RNF121: variants seen among roughly 807,000 people sequenced by gnomAD.
The protein encoded by RNF121 is ring finger protein 121.
RNF121 carries 21 observed loss-of-function variants against 46.5 expected under a neutral mutation model. The observed-to-expected ratio is 0.45, with a 90% confidence interval of 0.32 to 0.65. The LOEUF (loss-of-function observed/expected upper bound fraction) is 0.65, where lower values mean the gene tolerates loss of function less well. Among genes scored for constraint, RNF121 ranks in the 30% least tolerant of loss-of-function variants. RNF121 has a pLI of 0.04. For missense variants in RNF121, 346 were observed against 416.0 expected, an observed-to-expected ratio of 0.83 and a Z score of 1.46; for synonymous variants, 139 against 144.7, an observed-to-expected ratio of 0.96 and a Z score of 0.28.
At chr11:71,946,221 A>G (rs892517940) in intron 1 of RNF121, among the ~76,000 whole-genome samples, 9 of 152,234 alleles carry the variant, frequency 5.9e-5, no homozygotes, top group African/African-American at 2.2e-4. Context: ...CTAAATGTCT[A>G]TCCTCTGATG....
At position 71,994,899 on chromosome 11, in the gene RNF121, C is replaced by T. The variant is rs765681050; in HGVS notation, c.761+47C>T. ...GGCCACATCTCTCCTGCAATCTGCA[C>T]ACTGTAGTGAGAGAGAGAAAGAGGG... On this transcript the variant is annotated intron_variant, in intron 7 of 8. Transcript: ENST00000361756. 42 of 1,612,054 alleles carry T rather than the reference C, an allele frequency of 2.6e-5. 1 individual carries two copies. The Admixed American group carries it at 6.7e-4, about 26-fold the overall frequency.
intron 1 of RNF121, among the ~76,000 whole-genome samples, chr11:71,931,961 A>G (rs370587050): frequency 6.6e-6 from 1 of 152,232 alleles, no homozygotes; most frequent in East Asian, 1.9e-4. Flanking sequence ...GAAAGAAGTT[A>G]CACGCTGTGT....
At chr11:71,941,301 G>C (rs1020687049) in intron 1 of RNF121, among the ~76,000 whole-genome samples, 3 of 152,212 alleles carry the variant, frequency 2.0e-5, no homozygotes, top group Non-Finnish European at 4.4e-5. Context: ...ATGTTAAATA[G>C]CAGTGCTTTC....
intron 3 of RNF121, among the ~76,000 whole-genome samples, chr11:71,969,079 GT>G (rs1954360662): frequency 6.6e-6 from 1 of 151,840 alleles, no homozygotes; most frequent in African/African-American, 2.4e-5. Flanking sequence ...TAGAGACAGA[GT>G]TTCACCATGT....
intron 3 of RNF121, among the ~76,000 whole-genome samples, chr11:71,978,845 G>A (rs760765831): frequency 4.6e-5 from 7 of 152,124 alleles, no homozygotes; most frequent in Non-Finnish European, 7.3e-5. Flanking sequence ...AGAGTTAAAC[G>A]ATCTGCCTAA....
chr11:71,992,431 A>T (rs1954882310), intron 6 of RNF121, among the ~76,000 whole-genome samples: 1 of 152,190 alleles, frequency 6.6e-6, no homozygotes, highest in South Asian at 2.1e-4. Context: ...CTTAAGAGAC[A>T]ATTTGGTGTC....
At chr11:71,991,967 A>C (rs1020854970) in intron 6 of RNF121, among the ~76,000 whole-genome samples, 33 of 151,928 alleles carry the variant, frequency 2.2e-4, no homozygotes, top group African/African-American at 7.7e-4. Flanking sequence ...AAAAAAAAAA[A>C]ACCTAGCCGG....
intron 1 of RNF121, among the ~76,000 whole-genome samples, chr11:71,938,476 C>A (rs1356606652): frequency 6.6e-6 from 1 of 151,778 alleles, no homozygotes; most frequent in African/African-American, 2.4e-5. Context: ...TGTGCCCCCA[C>A]GCCTGGCTAA....
At chr11:71,995,002 C>A in intron 7 of RNF121, 150 bp downstream of exon 7, 1 of 1,097,474 alleles carries the variant, frequency 9.1e-7, no homozygotes, top group East Asian at 2.4e-5. Context: ...CTACCCTTTC[C>A]CACAGATCAG....
At chr11:71,996,061 C>G (rs1208224498) in intron 8 of RNF121, 134 bp from the exon 9 acceptor site, 15 of 1,115,894 alleles carry the variant, frequency 1.3e-5, no homozygotes, top group Non-Finnish European at 1.8e-5. Flanking sequence ...CTGGGCCCTT[C>G]CAGAAAGCAG....
Position 71,995,595 on chromosome 11 carries a change from A to G in RNF121, c.863+44A>G, listed in dbSNP as rs1376813790. 3 of 1,474,414 alleles carry G rather than the reference A, an allele frequency of 2.0e-6. No individual in the cohort carries two copies. In the Admixed American group the frequency reaches 5.9e-5, roughly 29 times the overall value. The allele number at this position is 1,474,414 out of a possible 1,614,324, so 91.3% of individuals were successfully genotyped here. On this transcript the variant is annotated intron_variant, in intron 8 of 8. Transcript: ENST00000361756. The stretch of plus-strand genomic sequence containing the variant: ...GTTGTTGGGAGTGGGCTGTGGGAAG[A>G]AAGTACTGGCCAGTGTGACCTGCAT...
At chr11:71,980,177 G>A (rs555371012) in intron 3 of RNF121, among the ~76,000 whole-genome samples, 1 of 152,298 alleles carries the variant, frequency 6.6e-6, no homozygotes, top group South Asian at 2.1e-4. Context: ...CAGAGAGTCA[G>A]TTGTGGGTTC....
chr11:71,944,354 T>C (rs1463139474), intron 1 of RNF121, among the ~76,000 whole-genome samples: 1 of 151,966 alleles, frequency 6.6e-6, no homozygotes, highest in Non-Finnish European at 1.5e-5. Context: ...GGAACTTAGG[T>C]GAATGACATG....
chr11:71,968,065 G>C (rs540073359), intron 3 of RNF121, among the ~76,000 whole-genome samples: 1 of 65,582 alleles, frequency 1.5e-5, no homozygotes, highest in Non-Finnish European at 3.4e-5. Context: ...ATTTATGAAC[G>C]ATCTTTTTTT....
At chr11:71,929,821 G>A (rs1473117438) in intron 1 of RNF121, among the ~76,000 whole-genome samples, 1 of 152,214 alleles carries the variant, frequency 6.6e-6, no homozygotes, top group African/African-American at 2.4e-5. Context: ...AGTGGTGGGA[G>A]ACAGACAAGA....
chr11:71,948,471 C>T (rs555162542), intron 1 of RNF121, among the ~76,000 whole-genome samples: 19 of 138,972 alleles, frequency 1.4e-4, no homozygotes, highest in African/African-American at 4.9e-4. Context: ...CCTGAGATTG[C>T]GCCACTGCAC....
chr11:71,953,341 G>A (rs1248407130), intron 1 of RNF121, among the ~76,000 whole-genome samples: 1 of 152,186 alleles, frequency 6.6e-6, no homozygotes. Context: ...CCTCAGAATA[G>A]CACACTTTAA....
intron 1 of RNF121, among the ~76,000 whole-genome samples, chr11:71,951,560 A>G (rs1181637267): frequency 6.6e-6 from 1 of 150,790 alleles, no homozygotes; most frequent in Non-Finnish European, 1.5e-5. Flanking sequence ...CAGGGATTTG[A>G]GGCTCTAATG....
At chr11:71,960,579 A>G (rs887434598) in intron 2 of RNF121, among the ~76,000 whole-genome samples, 171 bp from the exon 3 acceptor site, 1 of 151,974 alleles carries the variant, frequency 6.6e-6, no homozygotes, top group African/African-American at 2.4e-5. Context: ...CTATCTCGAC[A>G]TGCCTGTCTG....
Sources: allele counts gnomAD v4.1 joint callset (sites outside exome capture counted in the v4.1 genomes callset), GRCh38; gene constraint gnomAD v4.1.1; transcripts MANE v1.5; gene names NCBI Gene and HGNC (gene_info 2026-07-23, HGNC 2026-07-21).